The following CREB5 variants were observed in gnomAD, a reference collection of about 807,000 sequenced individuals.
CREB5 encodes cyclic AMP-responsive element-binding protein 5.
In CREB5, 19 loss-of-function variants were observed where a neutral mutation model predicts 57.1. The observed-to-expected ratio is 0.33, with a 90% confidence interval of 0.23 to 0.49. The LOEUF is 0.49. CREB5 is among the 20% of genes least tolerant of loss of function. CREB5 has a pLI of 0.99. For missense variants in CREB5, 579 were observed against 671.6 expected (o/e 0.86, Z 1.52); for synonymous variants, 238 against 238.3 (o/e 1.00, Z 0.01).
intron 5 of CREB5, among the ~76,000 whole-genome samples, chr7:28,608,503 G>A (rs1797255151): frequency 6.6e-6 from 1 of 152,058 alleles, no homozygotes. Context: ...TGGTTGTTAA[G>A]GATGATGCTC....
chr7:28,633,802 T>C (rs1798300071), intron 5 of CREB5, among the ~76,000 whole-genome samples: 1 of 152,166 alleles, frequency 6.6e-6, no homozygotes, highest in Admixed American at 6.5e-5. Flanking sequence ...ACATCTGTCT[T>C]TGAGTCCCCT....
chr7:28,788,283 T>A (rs940217657), intron 7 of CREB5, among the ~76,000 whole-genome samples: 2 of 152,096 alleles, frequency 1.3e-5, no homozygotes, highest in African/African-American at 2.4e-5. Flanking sequence ...CAAAAGTGTC[T>A]CCAGATGTTG....
intron 3 of CREB5, among the ~76,000 whole-genome samples, chr7:28,505,501 G>T (rs910463323): frequency 4.6e-5 from 7 of 152,154 alleles, no homozygotes; most frequent in East Asian, 1.9e-4. Context: ...GAAAGATGAG[G>T]AATATGAAGT....
intron 5 of CREB5, among the ~76,000 whole-genome samples, chr7:28,581,761 C>T (rs1281757380): frequency 1.3e-5 from 2 of 152,174 alleles, no homozygotes; most frequent in Non-Finnish European, 2.9e-5. Flanking sequence ...CATCGCAAAG[C>T]CAACTGTGAT....
chr7:28,728,654 T>C (rs955121105), intron 7 of CREB5, among the ~76,000 whole-genome samples: 1 of 152,190 alleles, frequency 6.6e-6, no homozygotes, highest in Admixed American at 6.5e-5. Context: ...TCTCTCTCGA[T>C]TGATTGAAAA....
intron 1 of CREB5, among the ~76,000 whole-genome samples, chr7:28,380,242 G>GC (rs1373193447): frequency 1.3e-5 from 2 of 152,196 alleles, no homozygotes; most frequent in African/African-American, 4.8e-5. Flanking sequence ...AGCTTTGGGT[G>GC]CTCACTTTTC....
chr7:28,566,071 G>A (rs997935213), intron 4 of CREB5, among the ~76,000 whole-genome samples: 53 of 152,182 alleles, frequency 3.5e-4, no homozygotes, highest in African/African-American at 1.2e-3. Context: ...GATATATTTT[G>A]GATGCCTTTA....
intron 5 of CREB5, among the ~76,000 whole-genome samples, chr7:28,685,425 G>T (rs1800825012): frequency 6.6e-6 from 1 of 152,142 alleles, no homozygotes; most frequent in Non-Finnish European, 1.5e-5. Flanking sequence ...GAGGTCAGAT[G>T]CGAGAAGTCT....
intron 1 of CREB5, among the ~76,000 whole-genome samples, chr7:28,350,446 T>G (rs1408910157): frequency 6.6e-6 from 1 of 151,942 alleles, no homozygotes; most frequent in African/African-American, 2.4e-5. Flanking sequence ...AATTTTTGCC[T>G]CCTTAAAACT....
At chr7:28,650,169 G>A (rs1179517922) in intron 5 of CREB5, among the ~76,000 whole-genome samples, 1 of 152,128 alleles carries the variant, frequency 6.6e-6, no homozygotes, top group Non-Finnish European at 1.5e-5. Context: ...AAAATTCTGT[G>A]TCCAGAATAG....
intron 9 of CREB5, among the ~76,000 whole-genome samples, chr7:28,817,641 T>C (rs994521164): frequency 1.3e-5 from 2 of 152,198 alleles, no homozygotes; most frequent in Admixed American, 6.5e-5. Flanking sequence ...TGCTGGGTAT[T>C]GTTCTGTTTC....
chr7:28,364,868 G>A (rs1786556376), intron 1 of CREB5, among the ~76,000 whole-genome samples: 1 of 152,092 alleles, frequency 6.6e-6, no homozygotes. Flanking sequence ...AAAGCACATG[G>A]CATCTTACTA....
intron 5 of CREB5, among the ~76,000 whole-genome samples, chr7:28,582,104 A>G (rs906287567): frequency 6.6e-6 from 1 of 152,186 alleles, no homozygotes; most frequent in Non-Finnish European, 1.5e-5. Flanking sequence ...TAGTGGGAAA[A>G]TATTGCAAAG....
At chr7:28,578,361 G>C (rs1045044903) in intron 5 of CREB5, among the ~76,000 whole-genome samples, 20 of 152,198 alleles carry the variant, frequency 1.3e-4, no homozygotes, top group African/African-American at 4.8e-4. Context: ...AGAGTCCCAT[G>C]ACTGAATATA....
At chr7:28,488,738 A>G (rs146374128) in intron 2 of CREB5, among the ~76,000 whole-genome samples, 25 of 152,376 alleles carry the variant, frequency 1.6e-4, no homozygotes, top group African/African-American at 5.5e-4. Context: ...TTTCCTACGT[A>G]TGTGAACTTT....
chr7:28,571,330 C>T (rs780056784), intron 5 of CREB5, among the ~76,000 whole-genome samples: 1 of 152,172 alleles, frequency 6.6e-6, no homozygotes, highest in Non-Finnish European at 1.5e-5. Flanking sequence ...TTTCCACAGT[C>T]GTCCCGCCCT....
At chr7:28,732,430 C>T (rs530320656) in intron 7 of CREB5, among the ~76,000 whole-genome samples, 104 of 152,262 alleles carry the variant, frequency 6.8e-4, no homozygotes, top group African/African-American at 2.3e-3. Flanking sequence ...GGTCAGAACA[C>T]CCCCTCTCAG....
intron 5 of CREB5, among the ~76,000 whole-genome samples, chr7:28,593,397 C>T (rs563051499): frequency 6.6e-5 from 10 of 152,058 alleles, no homozygotes; most frequent in African/African-American, 9.7e-5. Flanking sequence ...TACAAGCATG[C>T]GCCACCACGC....
intron 5 of CREB5, chr7:28,686,081 G>T (rs1205165785): frequency 6.4e-6 from 10 of 1,559,504 alleles, no homozygotes; most frequent in Non-Finnish European, 8.8e-6. Context: ...AATCAAATGG[G>T]AAGGATATGA....
Sources: gnomAD v4.1 joint callset for allele counts (sites outside exome capture counted in the v4.1 genomes callset) on GRCh38, gnomAD v4.1.1 for gene constraint, MANE v1.5 for transcripts, NCBI Gene and HGNC (gene_info 2026-07-23, HGNC 2026-07-21) for gene names.